Variants in FCHO2 observed in about 807,000 individuals in gnomAD.
FCHO2 encodes the protein F-BAR domain only protein 2.
Under a neutral mutation model 114.1 loss-of-function variants are expected in FCHO2, and 43 were observed. The ratio of observed to expected loss-of-function variants is 0.38; its 90% CI spans 0.30 to 0.49. The LOEUF (loss-of-function observed/expected upper bound fraction) is 0.49. FCHO2 is among the 20% of genes least tolerant of loss of function. FCHO2 has a pLI of 0.97. For missense variants in FCHO2, 807 were observed against 950.4 expected (o/e 0.85, Z 1.98); for synonymous variants, 293 against 315.2 (o/e 0.93, Z 0.75).
At chr5:73,019,061 G>A (rs1755468002) in intron 8 of FCHO2, among the ~76,000 whole-genome samples, 1 of 152,162 alleles carries the variant, frequency 6.6e-6, no homozygotes, top group African/African-American at 2.4e-5. Context: ...CTTGTTCGAA[G>A]ACCTGTAATG....
chr5:72,976,603 T>A (rs1752897463), intron 2 of FCHO2, among the ~76,000 whole-genome samples: 1 of 152,108 alleles, frequency 6.6e-6, no homozygotes, highest in Non-Finnish European at 1.5e-5. Context: ...AATATGGTTG[T>A]TTGTGTTCTT....
At chr5:73,058,950 A>G (rs1473389916) in intron 17 of FCHO2, among the ~76,000 whole-genome samples, 3 of 152,184 alleles carry the variant, frequency 2.0e-5, no homozygotes, top group Admixed American at 6.5e-5. Flanking sequence ...TAATTTATCA[A>G]TTTAAAATTT....
chr5:72,986,766 G>GGT (rs2112658768), intron 2 of FCHO2, among the ~76,000 whole-genome samples: 1 of 152,166 alleles, frequency 6.6e-6, no homozygotes, highest in Non-Finnish European at 1.5e-5. Flanking sequence ...AAATCTTGAA[G>GGT]GTGAGACCCA....
At chr5:73,048,735 G>C (rs1328101203) in intron 11 of FCHO2, among the ~76,000 whole-genome samples, 3 of 151,906 alleles carry the variant, frequency 2.0e-5, no homozygotes, top group Non-Finnish European at 2.9e-5. Context: ...TATATATGTA[G>C]TTTTGTTACA....
At chr5:73,003,171 A>ATTTAT (rs947012113) in intron 5 of FCHO2, among the ~76,000 whole-genome samples, 3 of 151,688 alleles carry the variant, frequency 2.0e-5, no homozygotes, top group Non-Finnish European at 2.9e-5. Context: ...TGCCTGGATA[A>ATTTAT]TTTATTTTAT....
Position 73,088,350 on chromosome 5 carries a change from G to A in FCHO2, c.*260G>A, listed in dbSNP as rs1267117100. 1 of 460,500 alleles carries A rather than the reference G, an allele frequency of 2.2e-6. No individual in the cohort carries two copies. The highest frequency in any genetic ancestry group is 2.0e-5 in the African/African-American group (1 of 51,198). The allele number at this position is 460,500 out of a possible 1,614,324, so 28.5% of individuals were successfully genotyped here. Reference sequence around the variant, plus strand: ...GATTCTCAGTAAAAATGAAGTTTTTGTAGGATTAATTTTTAAATTATTTCC... The same window carrying A: ...GATTCTCAGTAAAAATGAAGTTTTTATAGGATTAATTTTTAAATTATTTCC... On this transcript the variant is annotated 3_prime_UTR_variant, in exon 26 of 26. Transcript: ENST00000430046.
intron 17 of FCHO2, among the ~76,000 whole-genome samples, chr5:73,063,235 A>G (rs1456748184): frequency 6.6e-6 from 1 of 152,126 alleles, no homozygotes; most frequent in Non-Finnish European, 1.5e-5. Flanking sequence ...CTAAATTTAT[A>G]TAGGACTTAG....
chr5:73,035,897 G>A lies in FCHO2; in HGVS notation c.841+1196G>A, dbSNP rs1351584057. The stretch of plus-strand genomic sequence containing the variant: ...CTTGCTCTGTCACCCAGGCTGGAGT[G>A]CACTGGCGTGATCTTGGCTCACTGC... On this transcript the variant is annotated intron_variant, in intron 9 of 25. Transcript: ENST00000430046. Among the ~76,000 whole-genome samples, 3 of 152,034 alleles carry A rather than the reference G, an allele frequency of 2.0e-5. No individual in the cohort carries two copies. In the East Asian group the frequency reaches 5.8e-4, roughly 29 times the overall value.
intron 17 of FCHO2, among the ~76,000 whole-genome samples, chr5:73,059,620 C>G (rs1561485624): frequency 6.6e-6 from 1 of 152,110 alleles, no homozygotes; most frequent in Non-Finnish European, 1.5e-5. Context: ...TTAAAAGATA[C>G]TATAAGTGGA....
At chr5:73,042,214 G>A (rs539589095) in intron 11 of FCHO2, among the ~76,000 whole-genome samples, 3 of 152,108 alleles carry the variant, frequency 2.0e-5, no homozygotes, top group Admixed American at 2.0e-4. Flanking sequence ...AATGAGTTAC[G>A]GGGTTAAAAC....
At position 72,989,453 on chromosome 5, in the gene FCHO2, G is replaced by C; in HGVS notation, c.152G>C (p.Arg51Thr). The change falls in exon 3 of 26, where the codon AGG (arginine) becomes ACG (threonine). Residue 51 changes from arginine to threonine, a missense_variant. Arg to Thr is a moderately conservative substitution (Grantham distance 71). Coordinates refer to ENST00000430046, the MANE Select transcript of FCHO2 (RefSeq NM_138782.3). Reference sequence around the variant, plus strand: ...GCTACCATAGAGGAGGCATACTCCAGGTCAATGACAAAACTAGCAAAATCT... The same window carrying C: ...GCTACCATAGAGGAGGCATACTCCACGTCAATGACAAAACTAGCAAAATCT... Reference protein sequence around the residue: ...ERATIEEAYSRSMTKLAKSAS... With the variant: ...ERATIEEAYSTSMTKLAKSAS... 6.2e-7 allele frequency: 1 copy of C among 1,607,148 alleles called. No individual in the cohort carries two copies. Among genetic ancestry groups the C allele is most frequent in the Non-Finnish European group, 8.5e-7 (1 of 1,176,542 alleles).
chr5:73,083,242 A>G (rs1190286315), intron 24 of FCHO2, among the ~76,000 whole-genome samples: 3 of 152,016 alleles, frequency 2.0e-5, no homozygotes, highest in African/African-American at 7.2e-5. Context: ...GTTTATGTAA[A>G]GTTTCCTCCT....
intron 19 of FCHO2, among the ~76,000 whole-genome samples, chr5:73,070,785 C>G (rs1742605833): frequency 6.6e-6 from 1 of 152,044 alleles, no homozygotes; most frequent in South Asian, 2.1e-4. Flanking sequence ...AAAAAGTTCT[C>G]TTTCTTTGCC....
chr5:73,079,280 A>G (rs998084065), intron 22 of FCHO2, among the ~76,000 whole-genome samples: 1 of 152,166 alleles, frequency 6.6e-6, no homozygotes, highest in African/African-American at 2.4e-5. Context: ...TGTTTTAAAC[A>G]GTAAAGTGGA....
Position 73,087,720 on chromosome 5 carries a change from A to ACACT in FCHO2, c.2377_2378insCACT (p.Arg793ThrfsTer26). ...TTTCGAACTTGTGGGCACTGGCTAT[A>ACACT]GGCTTTCCTTAATAAAGAAGCGGTT... is the stretch of plus-strand genomic sequence containing the variant. On this transcript the variant is annotated frameshift_variant, in exon 25 of 26. Coordinates refer to ENST00000430046, the MANE Select transcript of FCHO2 (RefSeq NM_138782.3). LOFTEE classifies it high-confidence loss of function. 6.3e-7 allele frequency: 1 copy of ACACT among 1,593,636 alleles called. No homozygotes were observed. Among genetic ancestry groups the ACACT allele is most frequent in the Non-Finnish European group, 8.5e-7 (1 of 1,172,436 alleles).
intron 1 of FCHO2, among the ~76,000 whole-genome samples, chr5:72,964,300 C>A (rs1012145614): frequency 1.3e-5 from 2 of 152,116 alleles, no homozygotes; most frequent in African/African-American, 2.4e-5. Flanking sequence ...AGTAAGATTT[C>A]TTTCCTTCAA....
At chr5:73,056,165 T>C in intron 16 of FCHO2, 58 bp downstream of exon 16, 2 of 1,315,058 alleles carry the variant, frequency 1.5e-6, no homozygotes, top group Non-Finnish European at 2.1e-6. Flanking sequence ...GAGCAGTGTT[T>C]GATTTATGGC....
At chr5:73,001,953 A>G (rs924103483) in intron 5 of FCHO2, among the ~76,000 whole-genome samples, 1 of 152,198 alleles carries the variant, frequency 6.6e-6, no homozygotes, top group East Asian at 1.9e-4. Flanking sequence ...TCAGAACTTA[A>G]AAAGAGTACC....
intron 11 of FCHO2, among the ~76,000 whole-genome samples, chr5:73,044,711 TG>T (rs1185162595): frequency 2.6e-5 from 4 of 152,112 alleles, no homozygotes; most frequent in African/African-American, 9.7e-5. Context: ...TTTTTGGTTT[TG>T]GCCTATGTCC....
Sources: allele counts gnomAD v4.1 joint callset (sites outside exome capture counted in the v4.1 genomes callset), GRCh38; gene constraint gnomAD v4.1.1; transcripts MANE v1.5; gene names NCBI Gene and HGNC (gene_info 2026-07-23, HGNC 2026-07-21).